The following ARFGEF3 variants were observed in gnomAD, a reference collection of about 807,000 sequenced individuals.
ARFGEF3 encodes ARFGEF family member 3, also known as brefeldin A-inhibited guanine nucleotide-exchange protein 3.
ARFGEF3 carries 96 observed loss-of-function variants against 221.7 expected under a neutral mutation model. That is an observed-to-expected ratio of 0.43 (90% CI 0.37 to 0.51). ARFGEF3 has a LOEUF of 0.51. Among genes scored for constraint, ARFGEF3 ranks in the 20% least tolerant of loss-of-function variants. The pLI is 0.00. For missense variants in ARFGEF3, 2,410 were observed against 2,789.9 expected (o/e 0.86, Z 3.07); for synonymous variants, 1,145 against 1,126.8 (o/e 1.02, Z -0.32).
intron 5 of ARFGEF3, among the ~76,000 whole-genome samples, chr6:138,237,001 T>TC (rs1778299865): frequency 6.6e-6 from 1 of 151,218 alleles, no homozygotes; most frequent in South Asian, 2.1e-4. Flanking sequence ...AAGACTGCCT[T>TC]TTTTTTTTTT....
Position 138,336,570 on chromosome 6 carries a change from C to G in ARFGEF3, c.*84C>G. The G allele has an allele frequency of 8.9e-7, 1 of 1,129,646 alleles. No individual in the cohort carries two copies. Among genetic ancestry groups the G allele is most frequent in the Admixed American group, 2.5e-5 (1 of 39,912 alleles). 70.0% of individuals were successfully genotyped at this position (1,129,646 alleles called of 1,614,324 possible). On this transcript the variant is annotated 3_prime_UTR_variant, in exon 34 of 34. Transcript: ENST00000251691. ...TACAGCTGTTGCATTTTCCCCACCA[C>G]TAGCCCCACTTAAACTACTACTACT...
intron 8 of ARFGEF3, among the ~76,000 whole-genome samples, chr6:138,246,603 T>A (rs1778490653): frequency 6.6e-6 from 1 of 152,238 alleles, no homozygotes; most frequent in African/African-American, 2.4e-5. Context: ...TTCCTGTAAG[T>A]CACCTCTATA....
chr6:138,291,790 G>T lies in ARFGEF3; in HGVS notation c.3105G>T (p.Gln1035His). The T allele has an allele frequency of 6.8e-7, 1 of 1,468,998 alleles. No homozygotes were observed. Among genetic ancestry groups the T allele is most frequent in the East Asian group, 2.6e-5 (1 of 38,848 alleles). 91.0% of individuals were successfully genotyped at this position (1,468,998 alleles called of 1,614,324 possible). The change falls in exon 19 of 34, where the codon CAG (glutamine) becomes CAT (histidine). Residue 1035 changes from glutamine (Q) to histidine (H), a missense_variant. Gln to His is a conservative substitution (Grantham distance 24, BLOSUM62 0). This residue lies in a region of ARFGEF3 where 184 missense variants were observed against 141.8 expected (regional missense o/e 1.30). Coordinates refer to ENST00000251691, the MANE Select transcript of ARFGEF3 (RefSeq NM_020340.5). The surrounding 1 kb of genome is among the most constrained non-coding windows in gnomAD (Gnocchi z 4.5). ...EHNHFSDGAS[Q>H]PPLTISQPQK... ...ACCACTTCAGCGATGGTGCCTCGCA[G>T]CCCCCTCTGACCATCAGCCAGCCCC...
At chr6:138,207,204 T>A in intron 3 of ARFGEF3, 81 bp downstream of exon 3, 1 of 1,016,184 alleles carries the variant, frequency 9.8e-7, no homozygotes, top group Non-Finnish European at 1.5e-6. Flanking sequence ...GTTAACATTT[T>A]AAATACTGGC....
rs1354597205 is a variant in ARFGEF3 at position 138,338,799 on chromosome 6, T to TA, written c.*2333dup. The TA allele has an allele frequency of 0.014, 1,497 of 103,640 alleles. 28 individuals are homozygous for TA. The highest frequency in any genetic ancestry group is 0.09 in the South Asian group (290 of 3,212). 6.4% of individuals were successfully genotyped at this position (103,640 alleles called of 1,614,324 possible). A position where few individuals can be genotyped will look rare whatever the true frequency, so the allele number is the denominator to read the frequency against. On this transcript the variant is annotated 3_prime_UTR_variant, in exon 34 of 34. Transcript: ENST00000251691. The stretch of plus-strand genomic sequence containing the variant: ...TGGGTGACAAGAGTGAAACTCCATC[T>TA]AAAAAAAAAAAAAAAAAAAAGTGAA...
intron 4 of ARFGEF3, among the ~76,000 whole-genome samples, chr6:138,219,793 C>CGT (rs141714713): frequency 0.026 from 3,861 of 149,168 alleles, 123 homozygotes; most frequent in African/African-American, 0.08. Context: ...CATAGATGTG[C>CGT]GTGTGTGTGT....
rs1163583448 is a variant in ARFGEF3, at chr6:138,343,988, A to G, written c.*7502A>G. 3 of 152,188 alleles carry G rather than the reference A, an allele frequency of 2.0e-5. No homozygotes were observed. The highest frequency in any genetic ancestry group is 1.3e-4 in the Admixed American group (2 of 15,272). The allele number at this position is 152,188 out of a possible 1,614,324, so 9.4% of individuals were successfully genotyped here. ...GTGTTGTGTTGTGGGGATGGGACAG[A>G]TAAGAATAAGATGTTTATTGCCCTA... On this transcript the variant is annotated 3_prime_UTR_variant, in exon 34 of 34. Coordinates refer to ENST00000251691, the MANE Select transcript of ARFGEF3 (RefSeq NM_020340.5).
rs760095478 is a variant in ARFGEF3, at chr6:138,313,782, T to C, written c.4201-13T>C. On this transcript the variant is annotated splice_polypyrimidine_tract_variant and intron_variant, in intron 25 of 33. Coordinates refer to ENST00000251691, the MANE Select transcript of ARFGEF3 (RefSeq NM_020340.5). Reference sequence around the variant, plus strand: ...AACATATAATTGCAGTTTGTCTTTTTATTTTAATTTAGTTATTGGCCAAAA... The same window carrying C: ...AACATATAATTGCAGTTTGTCTTTTCATTTTAATTTAGTTATTGGCCAAAA... The C allele has an allele frequency of 1.2e-6, 2 of 1,610,668 alleles. No individual in the cohort carries two copies. The highest frequency in any genetic ancestry group is 1.1e-5 in the South Asian group (1 of 90,670).
At chr6:138,328,919 C>G (rs1780172143) in intron 32 of ARFGEF3, among the ~76,000 whole-genome samples, 1 of 152,110 alleles carries the variant, frequency 6.6e-6, no homozygotes, top group African/African-American at 2.4e-5. Flanking sequence ...ATCACTTGAG[C>G]CCAGGAGGCC....
At chr6:138,174,895 C>T (rs560402360) in intron 2 of ARFGEF3, among the ~76,000 whole-genome samples, 1 of 152,088 alleles carries the variant, frequency 6.6e-6, no homozygotes, top group African/African-American at 2.4e-5. Flanking sequence ...ATCAGAAGAA[C>T]CCTTGAAGAG....
intron 2 of ARFGEF3, among the ~76,000 whole-genome samples, chr6:138,196,919 C>T (rs558167367): frequency 1.1e-3 from 164 of 151,226 alleles, no homozygotes; most frequent in Non-Finnish European, 2.0e-3. Flanking sequence ...CCGCAACCTC[C>T]GCCTCCCGGG....
chr6:138,187,288 A>G (rs1348472067), intron 2 of ARFGEF3, among the ~76,000 whole-genome samples: 1 of 152,164 alleles, frequency 6.6e-6, no homozygotes, highest in Non-Finnish European at 1.5e-5. Flanking sequence ...AGCTTTGGAG[A>G]AAGCCAAGTA....
rs367550905 is a variant in ARFGEF3, at chr6:138,324,195, C to A, written c.5001+41C>A. ...TTTGATCTCAGGAGCTCTAGAAACT[C>A]GAAGTGCATGTTGGGAGACCTTCCT... On this transcript the variant is annotated intron_variant, in intron 31 of 33. Transcript: ENST00000251691. 2.5e-6 allele frequency: 4 copies of A among 1,589,876 alleles called. No individual in the cohort carries two copies. The African/African-American group carries it at 4.1e-5, about 16-fold the overall frequency.
chr6:138,200,814 G>A (rs575863706), intron 2 of ARFGEF3, among the ~76,000 whole-genome samples: 3 of 152,072 alleles, frequency 2.0e-5, no homozygotes, highest in African/African-American at 7.2e-5. Context: ...TAAAAACAAA[G>A]AAAAATAGCT....
intron 12 of ARFGEF3, among the ~76,000 whole-genome samples, chr6:138,274,073 T>C (rs1161032102): frequency 6.6e-6 from 1 of 152,224 alleles, no homozygotes; most frequent in African/African-American, 2.4e-5. Flanking sequence ...TCTCTGCTGA[T>C]TTTGATCTCC....
chr6:138,303,860 CAAAAAAAAAA>C (rs140349507), intron 22 of ARFGEF3, among the ~76,000 whole-genome samples: 8 of 20,608 alleles, frequency 3.9e-4, no homozygotes, highest in South Asian at 2.6e-3. Flanking sequence ...GACTCCGTCT[CAAAAAAAAAA>C]AAAAAAAAAA....
chr6:138,277,870 T>C (rs1002806453), intron 12 of ARFGEF3, among the ~76,000 whole-genome samples: 1 of 152,192 alleles, frequency 6.6e-6, no homozygotes, highest in African/African-American at 2.4e-5. Flanking sequence ...GATTTGCTAT[T>C]TAATAATGGA....
At position 138,317,402 on chromosome 6, in the gene ARFGEF3, T is replaced by A. The variant is rs374405893; in HGVS notation, c.4474+23T>A. 3 of 1,613,410 alleles carry A rather than the reference T, an allele frequency of 1.9e-6. No homozygotes were observed. The African/African-American group carries it at 4.0e-5, about 22-fold the overall frequency. On this transcript the variant is annotated intron_variant, in intron 27 of 33. Transcript: ENST00000251691. The stretch of plus-strand genomic sequence containing the variant: ...CAGGTAAATATTTCTGTGTCCGTCT[T>A]TTGGGGGAGTGGTTATACATGTAAC...
chr6:138,220,651 C>T (rs1583019061), intron 4 of ARFGEF3, among the ~76,000 whole-genome samples: 1 of 152,196 alleles, frequency 6.6e-6, no homozygotes, highest in African/African-American at 2.4e-5. Flanking sequence ...TTCCACTCAA[C>T]CTTTGGGTGC....
Sources: gnomAD v4.1 joint callset for allele counts (sites outside exome capture counted in the v4.1 genomes callset) on GRCh38, gnomAD v4.1.1 for gene constraint, gnomAD v4.1.1 regional missense constraint, Gnocchi (gnomAD v3.1) non-coding constraint, MANE v1.5 for transcripts, NCBI Gene and HGNC (gene_info 2026-07-23, HGNC 2026-07-21) for gene names.